The following EPHA6 variants were observed in gnomAD, a reference collection of about 807,000 sequenced individuals.
EPHA6 encodes EPH receptor A6.
EPHA6 carries 50 observed loss-of-function variants against 112.0 expected under a neutral mutation model. That is an observed-to-expected ratio of 0.45 (90% confidence interval 0.36 to 0.56). The LOEUF (loss-of-function observed/expected upper bound fraction) is 0.56, where lower values mean the gene tolerates loss of function less well. Among genes scored for constraint, EPHA6 ranks in the 20% least tolerant of loss-of-function variants. EPHA6 has a pLI of 0.00. For missense variants in EPHA6, 1,280 were observed against 1,417.4 expected (o/e 0.90, Z 1.56); for synonymous variants, 529 against 490.7 (o/e 1.08, Z -1.03).
At chr3:97,674,172 A>T (rs958530265) in intron 14 of EPHA6, among the ~76,000 whole-genome samples, 6 of 152,214 alleles carry the variant, frequency 3.9e-5, no homozygotes, top group Non-Finnish European at 7.3e-5. Flanking sequence ...AAACATGTTA[A>T]CAATGCTGTA....
chr3:96,927,412 G>C (rs1045190376), intron 2 of EPHA6, among the ~76,000 whole-genome samples: 1 of 152,188 alleles, frequency 6.6e-6, no homozygotes, highest in African/African-American at 2.4e-5. Context: ...GCACATTTCT[G>C]CAGAAAATGG....
At chr3:97,304,364 A>G (rs1458272711) in intron 5 of EPHA6, among the ~76,000 whole-genome samples, 1 of 151,962 alleles carries the variant, frequency 6.6e-6, no homozygotes, top group East Asian at 1.9e-4. Flanking sequence ...TTAAATTACC[A>G]TTGATGTTCT....
chr3:97,493,719 T>C (rs1281040262), intron 10 of EPHA6, among the ~76,000 whole-genome samples: 1 of 152,116 alleles, frequency 6.6e-6, no homozygotes, highest in Non-Finnish European at 1.5e-5. Context: ...CATGAGTAAA[T>C]TTTGAATGAA....
chr3:97,180,728 T>C (rs1160501514), intron 3 of EPHA6, among the ~76,000 whole-genome samples: 1 of 152,106 alleles, frequency 6.6e-6, no homozygotes, highest in Non-Finnish European at 1.5e-5. Context: ...GAATCCTAGA[T>C]ACAAGATAAA....
intron 5 of EPHA6, among the ~76,000 whole-genome samples, chr3:97,367,604 G>C (rs2084812520): frequency 6.6e-6 from 1 of 151,544 alleles, no homozygotes; most frequent in Admixed American, 6.6e-5. Context: ...TTTCTAGCTT[G>C]GAATAAGCCC....
intron 5 of EPHA6, among the ~76,000 whole-genome samples, chr3:97,274,419 C>T (rs989631692): frequency 1.3e-5 from 2 of 152,138 alleles, no homozygotes; most frequent in African/African-American, 4.8e-5. Flanking sequence ...GGAAGTAAAG[C>T]GGCCTTGAGC....
chr3:97,447,259 A>G (rs1431841181), intron 6 of EPHA6, among the ~76,000 whole-genome samples: 2 of 152,158 alleles, frequency 1.3e-5, no homozygotes, highest in Admixed American at 1.3e-4. Context: ...AGTTTGACCT[A>G]TTCTCCATAT....
At chr3:97,388,480 T>C (rs546181703) in intron 5 of EPHA6, among the ~76,000 whole-genome samples, 2 of 152,086 alleles carry the variant, frequency 1.3e-5, no homozygotes, top group South Asian at 4.1e-4. Flanking sequence ...TATACAATCT[T>C]AACAAGGAAA....
intron 10 of EPHA6, among the ~76,000 whole-genome samples, chr3:97,519,033 C>T (rs894289661): frequency 3.7e-4 from 56 of 151,986 alleles, no homozygotes; most frequent in African/African-American, 1.3e-3. Flanking sequence ...CTTTTTGATG[C>T]CTGTGCGTTT....
chr3:97,344,752 T>C (rs1289624696), intron 5 of EPHA6, among the ~76,000 whole-genome samples: 1 of 152,188 alleles, frequency 6.6e-6, no homozygotes, highest in Non-Finnish European at 1.5e-5. Flanking sequence ...AGTAAGTGCG[T>C]AGTGGTATCT....
intron 2 of EPHA6, among the ~76,000 whole-genome samples, chr3:96,932,110 G>A (rs1359920636): frequency 1.3e-5 from 2 of 152,082 alleles, no homozygotes; most frequent in East Asian, 3.9e-4. Context: ...TGGGGGTGGG[G>A]GTTCCTTGGC....
intron 3 of EPHA6, among the ~76,000 whole-genome samples, chr3:97,212,816 A>G (rs183516519): frequency 2.0e-5 from 3 of 152,254 alleles, no homozygotes; most frequent in Admixed American, 2.0e-4. Context: ...ATATATATTC[A>G]TTTCAGGATA....
intron 3 of EPHA6, among the ~76,000 whole-genome samples, chr3:97,146,445 ACTC>A (rs1559756651): frequency 6.6e-6 from 1 of 151,566 alleles, no homozygotes; most frequent in African/African-American, 2.4e-5. Flanking sequence ...TCTCTCCTTA[ACTC>A]TTGTTTCCAA....
chr3:96,860,390 C>A (rs1005030377), intron 1 of EPHA6, among the ~76,000 whole-genome samples: 1 of 151,666 alleles, frequency 6.6e-6, no homozygotes, highest in Admixed American at 6.6e-5. Context: ...TCAGTAGTTT[C>A]TTTTAGACCT....
intron 8 of EPHA6, among the ~76,000 whole-genome samples, chr3:97,478,721 T>C (rs2091446558): frequency 6.6e-6 from 1 of 152,110 alleles, no homozygotes; most frequent in African/African-American, 2.4e-5. Context: ...AAAATTCCCA[T>C]TGAAAGACTG....
intron 11 of EPHA6, among the ~76,000 whole-genome samples, chr3:97,582,030 AT>A (rs544013459): frequency 4.6e-4 from 69 of 149,092 alleles, no homozygotes; most frequent in African/African-American, 1.3e-3. Context: ...ATTTCATTTT[AT>A]TTTTTTTTTG....
chr3:97,466,173 A>G (rs2091045227), intron 7 of EPHA6: 1 of 681,610 alleles, frequency 1.5e-6, no homozygotes, highest in Non-Finnish European at 2.7e-6. Context: ...TTTCCACTCC[A>G]TTTCACCCTA....
intron 5 of EPHA6, among the ~76,000 whole-genome samples, chr3:97,310,489 A>G (rs1303957975): frequency 6.6e-6 from 1 of 151,590 alleles, no homozygotes; most frequent in Admixed American, 6.6e-5. Context: ...GTATTTGAGA[A>G]CAACATGTAT....
At chr3:97,629,226 C>A (rs1472810948) in intron 13 of EPHA6, among the ~76,000 whole-genome samples, 2 of 151,908 alleles carry the variant, frequency 1.3e-5, no homozygotes, top group African/African-American at 4.8e-5. Flanking sequence ...CCATGCCTGG[C>A]CAACTGTTTT....
Sources: allele counts gnomAD v4.1 joint callset (sites outside exome capture counted in the v4.1 genomes callset), GRCh38; gene constraint gnomAD v4.1.1; transcripts MANE v1.5; gene names NCBI Gene and HGNC (gene_info 2026-07-23, HGNC 2026-07-21).